CEP350: variants seen among roughly 807,000 people sequenced by gnomAD.
The protein encoded by CEP350 is centrosome-associated protein 350.
CEP350 carries 126 observed loss-of-function variants against 331.8 expected under a neutral mutation model. The ratio of observed to expected loss-of-function variants is 0.38; its 90% CI spans 0.33 to 0.44. The LOEUF (loss-of-function observed/expected upper bound fraction) is 0.44. Ranked by LOEUF, CEP350 falls within the 20% of genes least tolerant of loss-of-function variation. The pLI is 1.00. For missense variants in CEP350, 3,406 were observed against 3,634.6 expected (o/e 0.94, Z 1.62); for synonymous variants, 1,200 against 1,259.5 (o/e 0.95, Z 1.00).
chr1:179,967,912 A>G (rs1320612544), intron 1 of CEP350, among the ~76,000 whole-genome samples: 6 of 152,146 alleles, frequency 3.9e-5, no homozygotes, highest in Non-Finnish European at 8.8e-5. Flanking sequence ...ACCTGGCTTC[A>G]TATGTGTATT....
rs1386854605 is a variant in CEP350 at position 180,087,589 on chromosome 1, A to C, written c.6297A>C (p.Glu2099Asp). 5 of 1,541,624 alleles carry C rather than the reference A, an allele frequency of 3.2e-6. No homozygotes were observed. The African/African-American group carries it at 6.9e-5, about 21-fold the overall frequency. The change falls in exon 32 of 38, where the codon GAA becomes GAC. Residue 2099 changes from glutamate to aspartate, a missense_variant. By Grantham distance (45) the Glu-to-Asp change is conservative. Coordinates refer to ENST00000367607, the MANE Select transcript of CEP350 (RefSeq NM_014810.5). Reference sequence around the variant, plus strand: ...TTTTCTAAACTTAGTCATATGATGAATTTATTAAGAAAACTGAAGCCGAGC... The same window carrying C: ...TTTTCTAAACTTAGTCATATGATGACTTTATTAAGAAAACTGAAGCCGAGC... ...SLIKQLESYD[E>D]FIKKTEAELS...
At chr1:180,104,656 C>T (rs1036670796) in intron 37 of CEP350, among the ~76,000 whole-genome samples, 1 of 152,102 alleles carries the variant, frequency 6.6e-6, no homozygotes, top group African/African-American at 2.4e-5. Context: ...CTCAGTCTCC[C>T]GCTCTTTAAA....
intron 3 of CEP350, 108 bp downstream of exon 3, chr1:179,987,394 T>A: frequency 5.7e-6 from 2 of 351,654 alleles, no homozygotes; most frequent in Non-Finnish European, 1.0e-5. Context: ...TACTATATAT[T>A]ACTATAGAAT....
At chr1:180,000,973 G>A (rs1338799524) in intron 6 of CEP350, among the ~76,000 whole-genome samples, 2 of 152,116 alleles carry the variant, frequency 1.3e-5, no homozygotes, top group African/African-American at 4.8e-5. Flanking sequence ...TTAAACTGAG[G>A]CTATTGTGCC....
At chr1:179,998,702 C>G (rs138397465) in intron 6 of CEP350, among the ~76,000 whole-genome samples, 307 of 152,196 alleles carry the variant, frequency 2.0e-3, no homozygotes, top group African/African-American at 6.9e-3. Context: ...TAATTTTTCT[C>G]TAACAAGTTT....
chr1:180,018,959 G>A (rs181190867), intron 11 of CEP350, among the ~76,000 whole-genome samples: 7 of 151,146 alleles, frequency 4.6e-5, no homozygotes, highest in Non-Finnish European at 7.4e-5. Flanking sequence ...GGGTTCAAGC[G>A]ATACTTGTGC....
chr1:180,035,541 A>G (rs539572256), intron 16 of CEP350, among the ~76,000 whole-genome samples: 122 of 152,320 alleles, frequency 8.0e-4, no homozygotes, highest in African/African-American at 2.8e-3. Flanking sequence ...CTAGAGTCCT[A>G]AAGAATTAAG....
In CEP350 at chr1:180,078,578, A is replaced by G. The variant is rs147754473; in HGVS notation, c.5883A>G (p.Ile1961Met). Residue 1961 changes from isoleucine to methionine, a missense_variant, in exon 29 of 38, where the codon ATA becomes ATG. Physicochemically the swap from Ile to Met is conservative, Grantham distance 10 (BLOSUM62 1). Transcript: ENST00000367607. ...TTGAATATGTACCATCCGAGTCTAT[A>G]GGACAGGAGCAGCCAGGGAGTCCAG... is the stretch of plus-strand genomic sequence containing the variant. ...PAVEYVPSES[I>M]GQEQPGSPDH... 7.6e-5 allele frequency: 122 copies of G among 1,613,634 alleles called. No individual in the cohort carries two copies. In the African/African-American group the frequency reaches 1.4e-3, roughly 19 times the overall value.
At chr1:180,035,999 G>C (rs545865214) in intron 16 of CEP350, among the ~76,000 whole-genome samples, 1 of 152,186 alleles carries the variant, frequency 6.6e-6, no homozygotes, top group African/African-American at 2.4e-5. Flanking sequence ...GTTGTGATTC[G>C]TGGAAGGAGA....
intron 14 of CEP350, among the ~76,000 whole-genome samples, chr1:180,026,337 G>A (rs1016681549): frequency 6.6e-6 from 1 of 151,950 alleles, no homozygotes. Flanking sequence ...AGAGACGAGG[G>A]CCTCACTTTG....
Position 180,041,020 on chromosome 1 carries a change from T to C in CEP350, c.4111-118T>C, listed in dbSNP as rs111750880. 3.4e-3 allele frequency: 2,333 copies of C among 696,338 alleles called. 38 individuals carry two copies. Among genetic ancestry groups the C allele is most frequent in the African/African-American group, 0.033 (1,757 of 53,586 alleles). 43.1% of individuals were successfully genotyped at this position (696,338 alleles called of 1,614,324 possible). ...CTATTATTTTTACTATCTTTCCTTTTGGTTCTAATTAGTTGCTTCAAATGA... is the reference window on the plus strand; with the variant it reads ...CTATTATTTTTACTATCTTTCCTTTCGGTTCTAATTAGTTGCTTCAAATGA... On this transcript the variant is annotated intron_variant, in intron 17 of 37. Transcript: ENST00000367607.
chr1:179,967,630 T>TC (rs1651115778), intron 1 of CEP350, among the ~76,000 whole-genome samples: 1 of 152,080 alleles, frequency 6.6e-6, no homozygotes, highest in Non-Finnish European at 1.5e-5. Flanking sequence ...CAGGCTGGTC[T>TC]CCAACTCCTG....
intron 30 of CEP350, 34 bp from the exon 31 acceptor site, chr1:180,083,984 A>G (rs754071682): frequency 8.0e-7 from 1 of 1,243,088 alleles, no homozygotes; most frequent in Non-Finnish European, 1.1e-6. Flanking sequence ...TCTTAAGTCA[A>G]AATTATAAAT....
intron 12 of CEP350, 110 bp downstream of exon 12, chr1:180,021,119 G>C: frequency 1.1e-6 from 1 of 925,168 alleles, no homozygotes; most frequent in South Asian, 2.8e-5. Flanking sequence ...GTGGATAATG[G>C]AGACTTATTA....
chr1:180,016,035 T>G (rs1163380821), intron 11 of CEP350, 65 bp downstream of exon 11: 1 of 1,575,642 alleles, frequency 6.3e-7, no homozygotes, highest in Non-Finnish European at 8.6e-7. Context: ...GTGGTCTATG[T>G]TCAGAGAATT....
rs16855229 is a variant in CEP350, at chr1:180,061,802, G to C, written c.5263-418G>C. ...TTAATCCATGGTATGAAACAGCTAT[G>C]GGCATTAAAGCATTATTTGAGATAG... On this transcript the variant is annotated intron_variant, in intron 25 of 37. Transcript: ENST00000367607. 2.4e-3 allele frequency among the ~76,000 whole-genome samples: 365 copies of C among 152,200 alleles called. 9 individuals are homozygous for C. The East Asian group carries it at 0.062, about 26-fold the overall frequency.
At position 180,078,583 on chromosome 1, in the gene CEP350, A is replaced by G. The variant is rs774825632; in HGVS notation, c.5888A>G (p.Gln1963Arg). The stretch of plus-strand genomic sequence containing the variant: ...TATGTACCATCCGAGTCTATAGGAC[A>G]GGAGCAGCCAGGGAGTCCAGATCAC... ...VEYVPSESIG[Q>R]EQPGSPDHSI... Residue 1963 changes from glutamine to arginine, a missense_variant, in exon 29 of 38, where the codon CAG (glutamine) becomes CGG (arginine). By Grantham distance (43) the Gln-to-Arg change is conservative. This residue lies in a region of CEP350 where 1,415 missense variants were observed against 1,512.3 expected (regional missense o/e 0.94). Coordinates refer to ENST00000367607, the MANE Select transcript of CEP350 (RefSeq NM_014810.5). 3 of 1,613,510 alleles carry G rather than the reference A, an allele frequency of 1.9e-6. No homozygotes were observed. The highest frequency in any genetic ancestry group is 2.5e-6 in the Non-Finnish European group (3 of 1,179,658).
At position 180,018,732 on chromosome 1, in the gene CEP350, G is replaced by T. The variant is rs180820464; in HGVS notation, c.2175-1217G>T. 2.1e-3 allele frequency among the ~76,000 whole-genome samples: 312 copies of T among 152,180 alleles called. 2 individuals carry two copies. The highest frequency in any genetic ancestry group is 7.2e-3 in the African/African-American group (301 of 41,518). ...AATTCATCTCATAATTTGGTCATTT[G>T]TTGGGTCAGCCATGCCTCCCAGCTT... On this transcript the variant is annotated intron_variant, in intron 11 of 37. Coordinates refer to ENST00000367607, the MANE Select transcript of CEP350 (RefSeq NM_014810.5).
At chr1:179,995,808 A>G (rs1024456840) in intron 5 of CEP350, among the ~76,000 whole-genome samples, 1 of 152,220 alleles carries the variant, frequency 6.6e-6, no homozygotes, top group Non-Finnish European at 1.5e-5. Flanking sequence ...GCCAAAAAGT[A>G]CTTTGTGGTT....
Sources: allele counts gnomAD v4.1 joint callset (sites outside exome capture counted in the v4.1 genomes callset), GRCh38; gene constraint gnomAD v4.1.1; regional missense constraint gnomAD v4.1.1; transcripts MANE v1.5; gene names NCBI Gene and HGNC (gene_info 2026-07-23, HGNC 2026-07-21).